SOX10: variants seen among roughly 807,000 people sequenced by gnomAD.
SOX10 encodes the protein SRY-box transcription factor 10, also known as transcription factor SOX-10.
A neutral mutation model predicts 35.0 loss-of-function variants in SOX10; 3 were observed. The ratio of observed to expected loss-of-function variants is 0.09; its 90% CI spans 0.04 to 0.22. The LOEUF (loss-of-function observed/expected upper bound fraction) is 0.22. SOX10 is among the 10% of genes least tolerant of loss of function. The probability of loss-of-function intolerance (pLI) is 1.00; values close to 1 mark genes in which losing one functional copy is unlikely to be tolerated. For synonymous variants in SOX10, 285 were observed against 291.0 expected (o/e 0.98, Z 0.21); for missense variants, 436 against 655.1 (o/e 0.67, Z 3.65).
rs1932371188 is a variant in SOX10, at chr22:37,980,692, C to T, written c.429-2557G>A. On this transcript the variant is annotated intron_variant, in intron 2 of 3. Coordinates refer to ENST00000396884, the MANE Select transcript of SOX10 (RefSeq NM_006941.4). This position sits in a 1 kb window ranked among gnomAD's most constrained non-coding sequence, Gnocchi z 4.1. Reference sequence around the variant, plus strand: ...CTCCAGCTCTAACTCCAAACCCAGTCCTCATCTGCACCTTCCTGTCAGCCC... The same window carrying T: ...CTCCAGCTCTAACTCCAAACCCAGTTCTCATCTGCACCTTCCTGTCAGCCC... Among the ~76,000 whole-genome samples, 1 of 152,230 alleles carries T rather than the reference C, an allele frequency of 6.6e-6. No homozygotes were observed. Among genetic ancestry groups the T allele is most frequent in the Non-Finnish European group, 1.5e-5 (1 of 68,042 alleles).
intron 2 of SOX10, among the ~76,000 whole-genome samples, chr22:37,982,485 CG>C (rs938704029): frequency 6.6e-6 from 1 of 152,104 alleles, no homozygotes; most frequent in African/African-American, 2.4e-5. Context: ...TTGCTCCCTG[CG>C]GGGGATGTTT....
Position 37,973,978 on chromosome 22 carries a change from G to A in SOX10, c.918C>T (p.His306=), listed in dbSNP as rs200226880. The change falls in exon 4 of 4, where the codon CAC becomes CAT. Residue 306 remains histidine, a synonymous_variant. Transcript: ENST00000396884. ...ELDQYLPPNG[H]PGHVSSYSAA... is the part of the protein sequence containing the mutation. Reference sequence around the variant, plus strand: ...CTGAGTAGCTGCTCACATGGCCTGGGTGCCCATTGGGCGGCAGGTACTGGT... The same window carrying A: ...CTGAGTAGCTGCTCACATGGCCTGGATGCCCATTGGGCGGCAGGTACTGGT... 87 of 1,612,322 alleles carry A rather than the reference G, an allele frequency of 5.4e-5. No homozygotes were observed. The highest frequency in any genetic ancestry group is 6.9e-5 in the Non-Finnish European group (81 of 1,179,942).
chr22:37,983,635 C>T lies in SOX10; in HGVS notation c.150G>A (p.Glu50=). Residue 50 remains glutamate (E), a synonymous_variant, in exon 2 of 4, where the codon GAG becomes GAA. Coordinates refer to ENST00000396884, the MANE Select transcript of SOX10 (RefSeq NM_006941.4). The surrounding 1 kb of genome is among the most constrained non-coding windows in gnomAD (Gnocchi z 9.5). ...GCTGCTCCTTCTTGACCTTGCCCAG[C>T]TCGCCTGGCCCCGGGCTGGCTCGCA... The part of the protein sequence containing the change: ...SGLRASPGPG[E]LGKVKKEQQD... The T allele has an allele frequency of 6.2e-7, 1 of 1,601,866 alleles. No homozygotes were observed. The highest frequency in any genetic ancestry group is 8.5e-7 in the Non-Finnish European group (1 of 1,177,944).
intron 2 of SOX10, among the ~76,000 whole-genome samples, chr22:37,982,913 C>T (rs1932445403): frequency 6.6e-6 from 1 of 152,212 alleles, no homozygotes; most frequent in African/African-American, 2.4e-5. Context: ...TAAACCTCCC[C>T]TGAGTTCTCC....
chr22:37,983,289 C>T lies in SOX10; in HGVS notation c.428+68G>A. The T allele has an allele frequency of 6.6e-7, 1 of 1,525,438 alleles. No homozygotes were observed. The allele number at this position is 1,525,438 out of a possible 1,614,324, so 94.5% of individuals were successfully genotyped here. A position where few individuals can be genotyped will look rare whatever the true frequency, so the allele number is the denominator to read the frequency against. The stretch of plus-strand genomic sequence containing the variant: ...CCGCTCTGAGGTGCAGGAGGCCGGG[C>T]CGCCTCGGCTACCCTGAATCCACCC... On this transcript the variant is annotated intron_variant, in intron 2 of 3. Transcript: ENST00000396884. The surrounding 1 kb of genome is among the most constrained non-coding windows in gnomAD (Gnocchi z 9.5).
rs781090241 is a variant in SOX10, at chr22:37,974,227, G to T, written c.698-29C>A. 1 of 1,556,934 alleles carries T rather than the reference G, an allele frequency of 6.4e-7. No individual in the cohort carries two copies. Among genetic ancestry groups the T allele is most frequent in the Non-Finnish European group, 8.7e-7 (1 of 1,145,414 alleles). On this transcript the variant is annotated intron_variant, in intron 3 of 3. Coordinates refer to ENST00000396884, the MANE Select transcript of SOX10 (RefSeq NM_006941.4). This position sits in a 1 kb window ranked among gnomAD's most constrained non-coding sequence, Gnocchi z 5.4. ...GGTAGAAGGGAGACAGAGAGAGAGAGCGCAAGGGGGAAGCAGGTTAGAGGC... is the reference window on the plus strand; with the variant it reads ...GGTAGAAGGGAGACAGAGAGAGAGATCGCAAGGGGGAAGCAGGTTAGAGGC...
chr22:37,975,593 AGCTCCCCAAGGACAGGCCTGT>A (rs1335709982), intron 3 of SOX10, among the ~76,000 whole-genome samples: 1 of 152,134 alleles, frequency 6.6e-6, no homozygotes, highest in African/African-American at 2.4e-5. Context: ...AGAGACTAGG[AGCTCCCCAAGGACAGGCCTGT>A]GCCTCCTTCA....
intron 3 of SOX10, among the ~76,000 whole-genome samples, chr22:37,975,320 A>ATC (rs1932189077): frequency 6.6e-6 from 1 of 152,144 alleles, no homozygotes; most frequent in Non-Finnish European, 1.5e-5. Context: ...GACTTGGGAG[A>ATC]CCAGAGGAGG....
chr22:37,978,057 C>T lies in SOX10; in HGVS notation c.507G>A (p.Pro169=), dbSNP rs199703563. The change falls in exon 3 of 4, where the codon CCG becomes CCA. Residue 169 remains proline, a synonymous_variant. Transcript: ENST00000396884. This position sits in a 1 kb window ranked among gnomAD's most constrained non-coding sequence, Gnocchi z 5.0. ...RLRMQHKKDH[P]DYKYQPRRRK... is the part of the protein sequence containing the mutation. Reference sequence around the variant, plus strand: ...GCCGCCTGGGCTGGTACTTGTAGTCCGGGTGGTCTTTCTTGTGCTGCATAC... The same window carrying T: ...GCCGCCTGGGCTGGTACTTGTAGTCTGGGTGGTCTTTCTTGTGCTGCATAC... The T allele has an allele frequency of 8.0e-5, 129 of 1,610,228 alleles. No individual in the cohort carries two copies. The East Asian group carries it at 2.2e-3, about 27-fold the overall frequency.
chr22:37,980,152 G>A lies in SOX10; in HGVS notation c.429-2017C>T, dbSNP rs906044123. On this transcript the variant is annotated intron_variant, in intron 2 of 3. Transcript: ENST00000396884. This position sits in a 1 kb window ranked among gnomAD's most constrained non-coding sequence, Gnocchi z 4.1. The stretch of plus-strand genomic sequence containing the variant: ...TGTACACACTTAGGACAAAGATGCC[G>A]GAGCAGGGCCTTGAGAGTCAGGGAG... Among the ~76,000 whole-genome samples the A allele has an allele frequency of 2.6e-5, 4 of 152,112 alleles. No individual in the cohort carries two copies. Among genetic ancestry groups the A allele is most frequent in the East Asian group, 1.9e-4 (1 of 5,178 alleles).
intron 2 of SOX10, among the ~76,000 whole-genome samples, chr22:37,979,452 G>C (rs938174025): frequency 3.3e-5 from 5 of 151,864 alleles, no homozygotes; most frequent in African/African-American, 9.7e-5. Context: ...GGAGGATCTA[G>C]GGTTGGACTC....
rs903211622 is a variant in SOX10 at position 37,978,523 on chromosome 22, G to C, written c.429-388C>G. ...GCAAGTGGAATTGGCTACTTCAGTG[G>C]GGGTGAGCTCCCTGGGACTGAGGGT... On this transcript the variant is annotated intron_variant, in intron 2 of 3. Coordinates refer to ENST00000396884, the MANE Select transcript of SOX10 (RefSeq NM_006941.4). The surrounding 1 kb of genome is among the most constrained non-coding windows in gnomAD (Gnocchi z 5.0). Among the ~76,000 whole-genome samples the C allele has an allele frequency of 2.6e-5, 4 of 152,206 alleles. No individual in the cohort carries two copies. Among genetic ancestry groups the C allele is most frequent in the African/African-American group, 9.6e-5 (4 of 41,452 alleles).
chr22:37,972,375 G>C lies in SOX10; in HGVS notation c.*1120C>G. ...TGCAGAGTTAATAGGGGCTAGAGTG[G>C]CTAGGAGAGGGGACTACTGAGATAA... On this transcript the variant is annotated 3_prime_UTR_variant, in exon 4 of 4. Transcript: ENST00000396884. The C allele has an allele frequency of 2.0e-6, 1 of 500,160 alleles. No homozygotes were observed. Among genetic ancestry groups the C allele is most frequent in the South Asian group, 1.7e-5 (1 of 58,848 alleles). 31.0% of individuals were successfully genotyped at this position (500,160 alleles called of 1,614,324 possible). A position where few individuals can be genotyped will look rare whatever the true frequency, so the allele number is the denominator to read the frequency against.
intron 2 of SOX10, among the ~76,000 whole-genome samples, chr22:37,982,980 G>A (rs765256981): frequency 2.0e-4 from 30 of 152,188 alleles, no homozygotes; most frequent in Non-Finnish European, 3.8e-4. Context: ...CTTTCCAAGC[G>A]TTTCCCTCGT....
intron 2 of SOX10, among the ~76,000 whole-genome samples, chr22:37,979,426 C>T (rs948748111): frequency 3.9e-5 from 6 of 151,960 alleles, no homozygotes; most frequent in East Asian, 1.9e-4. Flanking sequence ...ATGCTGCTTG[C>T]GGGGGTGGTT....
At chr22:37,979,870 G>C (rs943174906) in intron 2 of SOX10, among the ~76,000 whole-genome samples, 1 of 152,102 alleles carries the variant, frequency 6.6e-6, no homozygotes, top group African/African-American at 2.4e-5. Context: ...AGCCTTGTCT[G>C]TCAGTCCAGA....
chr22:37,973,278 C>G lies in SOX10; in HGVS notation c.*217G>C, dbSNP rs1932113423. On this transcript the variant is annotated 3_prime_UTR_variant, in exon 4 of 4. Coordinates refer to ENST00000396884, the MANE Select transcript of SOX10 (RefSeq NM_006941.4). ...GTGCAACAGTCAACCTCCTTCTCCT[C>G]TGTCCAGCCTGTTCTCCTGGGGCTT... is the stretch of plus-strand genomic sequence containing the variant. 1.9e-6 allele frequency: 1 copy of G among 527,934 alleles called. No individual in the cohort carries two copies. Among genetic ancestry groups the G allele is most frequent in the Admixed American group, 3.3e-5 (1 of 30,528 alleles). The allele number at this position is 527,934 out of a possible 1,614,324, so 32.7% of individuals were successfully genotyped here. A position where few individuals can be genotyped will look rare whatever the true frequency, so the allele number is the denominator to read the frequency against.
rs545315509 is a variant in SOX10, at chr22:37,973,321, T to C, written c.*174A>G. On this transcript the variant is annotated 3_prime_UTR_variant, in exon 4 of 4. Coordinates refer to ENST00000396884, the MANE Select transcript of SOX10 (RefSeq NM_006941.4). ...TGGGGCTTTGCTGCTGGAGCCTGGA[T>C]GGGGCGGGTGGGTCATCAGGGCAGT... 1 of 573,824 alleles carries C rather than the reference T, an allele frequency of 1.7e-6. No homozygotes were observed. Among genetic ancestry groups the C allele is most frequent in the African/African-American group, 1.9e-5 (1 of 53,550 alleles). The allele number at this position is 573,824 out of a possible 1,614,324, so 35.5% of individuals were successfully genotyped here.
intron 3 of SOX10, among the ~76,000 whole-genome samples, chr22:37,976,334 T>C (rs1216644314): frequency 6.6e-6 from 1 of 152,240 alleles, no homozygotes; most frequent in Non-Finnish European, 1.5e-5. Context: ...TAGCTGGGAC[T>C]GCGGGCGCAT....
Sources: gnomAD v4.1 joint callset for allele counts (sites outside exome capture counted in the v4.1 genomes callset) on GRCh38, gnomAD v4.1.1 for gene constraint, Gnocchi (gnomAD v3.1) non-coding constraint, MANE v1.5 for transcripts, NCBI Gene and HGNC (gene_info 2026-07-23, HGNC 2026-07-21) for gene names.